Variants in SYNE3 observed in about 807,000 individuals in gnomAD.
SYNE3 encodes spectrin repeat containing nuclear envelope family member 3.
A neutral mutation model predicts 111.2 loss-of-function variants in SYNE3; 100 were observed. The ratio of observed to expected loss-of-function variants is 0.90; its 90% CI spans 0.77 to 1.06. SYNE3 has a LOEUF of 1.06. Ranked by LOEUF, SYNE3 falls within the 50% of genes least tolerant of loss-of-function variation. The pLI is 0.00. For synonymous variants in SYNE3, 547 were observed against 533.9 expected, an observed-to-expected ratio of 1.02 and a Z score of -0.34; for missense variants, 1,160 against 1,240.3, an observed-to-expected ratio of 0.94 and a Z score of 0.97.
chr14:95,437,863 T>G (rs1346846868), intron 14 of SYNE3: 1 of 152,128 alleles, frequency 6.6e-6, no homozygotes, highest in Non-Finnish European at 1.5e-5. Context: ...TCTTGTATGA[T>G]TTTAGTTTCC....
intron 5 of SYNE3, 120 bp from the exon 6 acceptor site, chr14:95,455,844 A>G: frequency 9.8e-7 from 1 of 1,024,152 alleles, no homozygotes; most frequent in East Asian, 2.6e-5. Flanking sequence ...CCTGCGTTAG[A>G]GCCAGAGAGG....
chr14:95,489,071 G>A (rs1642906101), intron 1 of SYNE3, among the ~76,000 whole-genome samples: 1 of 152,226 alleles, frequency 6.6e-6, no homozygotes, highest in Non-Finnish European at 1.5e-5. Context: ...CTGAGTGACT[G>A]AGTGACAAAG....
rs1262827685 is a variant in SYNE3, at chr14:95,495,117, A to C, written c.-14-19282T>G. 2.0e-5 allele frequency among the ~76,000 whole-genome samples: 3 copies of C among 151,878 alleles called. 1 individual carries two copies. Among genetic ancestry groups the C allele is most frequent in the South Asian group, 4.1e-4 (2 of 4,828 alleles). On this transcript the variant is annotated intron_variant, in intron 1 of 17. Transcript: ENST00000682763. ...ACAGAGCGAGACTCAGTCTCAAAAA[A>C]AAAAAGAAAGAAAAGAAAAGAAAGA... is the stretch of plus-strand genomic sequence containing the variant.
chr14:95,486,306 T>C (rs1280098250), intron 1 of SYNE3, among the ~76,000 whole-genome samples: 1 of 151,778 alleles, frequency 6.6e-6, no homozygotes, highest in Non-Finnish European at 1.5e-5. Flanking sequence ...TGCACCTTCC[T>C]CAGTGACCCA....
intron 1 of SYNE3, among the ~76,000 whole-genome samples, chr14:95,486,565 A>G (rs146485267): frequency 9.3e-4 from 141 of 152,250 alleles, no homozygotes; most frequent in South Asian, 2.9e-3. Context: ...CTGCAGCCCA[A>G]GGGAGCAAGA....
intron 8 of SYNE3, chr14:95,449,421 A>G (rs1254712481): frequency 1.0e-6 from 1 of 985,368 alleles, no homozygotes; most frequent in Non-Finnish European, 1.2e-6. Context: ...CTCCATCCGG[A>G]GCCAGTTGTT....
chr14:95,452,944 T>C (rs1255396613), intron 6 of SYNE3, among the ~76,000 whole-genome samples: 1 of 152,226 alleles, frequency 6.6e-6, no homozygotes. Flanking sequence ...CCTAAGCTGC[T>C]TCACTTCAAC....
intron 17 of SYNE3, among the ~76,000 whole-genome samples, chr14:95,421,471 C>T (rs1885122981): frequency 1.3e-5 from 2 of 152,190 alleles, no homozygotes; most frequent in Admixed American, 1.3e-4. Context: ...CTAACCCTGA[C>T]TCTACCACGT....
intron 3 of SYNE3, 139 bp downstream of exon 3, chr14:95,467,656 G>T: frequency 9.9e-7 from 1 of 1,008,910 alleles, no homozygotes; most frequent in Non-Finnish European, 1.4e-6. Context: ...GGCAGGGCTG[G>T]CCCTAATCCC....
In SYNE3 at chr14:95,417,809, C is replaced by T. The variant is rs1903628688; in HGVS notation, c.*17G>A. The stretch of plus-strand genomic sequence containing the variant: ...GATGGAGGTTGGAGGAGAAAGTCAC[C>T]TGTGTGCCCCAGTGGGTTAGGTGGG... On this transcript the variant is annotated 3_prime_UTR_variant, in exon 18 of 18. Coordinates refer to ENST00000682763, the MANE Select transcript of SYNE3 (RefSeq NM_152592.6). 3.1e-6 allele frequency: 5 copies of T among 1,614,016 alleles called. No individual in the cohort carries two copies. Among genetic ancestry groups the T allele is most frequent in the Non-Finnish European group, 4.2e-6 (5 of 1,179,864 alleles).
chr14:95,418,225 C>T (rs1416701041), intron 17 of SYNE3, among the ~76,000 whole-genome samples, 199 bp from the exon 18 acceptor site: 1 of 152,226 alleles, frequency 6.6e-6, no homozygotes, highest in East Asian at 1.9e-4. Context: ...TTTCCCAAAG[C>T]ATTCAAGGCA....
chr14:95,456,682 C>T (rs1250755805), intron 5 of SYNE3, among the ~76,000 whole-genome samples: 1 of 152,148 alleles, frequency 6.6e-6, no homozygotes, highest in Non-Finnish European at 1.5e-5. Context: ...TCCATAAAGC[C>T]TCTGAGGACC....
In SYNE3 at chr14:95,423,430, A is replaced by G. The variant is rs976690692; in HGVS notation, c.2728-5404T>C. 7.2e-5 allele frequency among the ~76,000 whole-genome samples: 11 copies of G among 152,106 alleles called. No individual in the cohort carries two copies. The South Asian group carries it at 1.0e-3, about 14-fold the overall frequency. On this transcript the variant is annotated intron_variant, in intron 17 of 17. Transcript: ENST00000682763. ...GGTCAGTGAGGGTCTAGGTTGACTC[A>G]CAGGCACCTAGTTTGGGAAACTGGG... is the stretch of plus-strand genomic sequence containing the variant.
chr14:95,495,254 C>T lies in SYNE3; in HGVS notation c.-14-19419G>A, dbSNP rs188896193. The stretch of plus-strand genomic sequence containing the variant: ...TCCATTCCTTCCAAGAGTGTCTGTG[C>T]CCAGTCTGTCCTTACAGTCCTTTTC... On this transcript the variant is annotated intron_variant, in intron 1 of 17. Transcript: ENST00000682763. 3.3e-5 allele frequency among the ~76,000 whole-genome samples: 5 copies of T among 152,342 alleles called. No individual in the cohort carries two copies. In the East Asian group the frequency reaches 9.7e-4, roughly 29 times the overall value.
rs777743531 is a variant in SYNE3, at chr14:95,466,202, A to G, written c.356T>C (p.Leu119Pro). 1.9e-6 allele frequency: 3 copies of G among 1,590,172 alleles called. No homozygotes were observed. The highest frequency in any genetic ancestry group is 1.7e-5 in the Admixed American group (1 of 59,522). ...EWVWLHWSEY[L>P]LARDEFYRWF... ...GCGGTAGAACTCATCTCGGGCCAGCAGGTACTCGCTCCAGTGCAGCCACAC... is the reference window on the plus strand; with the variant it reads ...GCGGTAGAACTCATCTCGGGCCAGCGGGTACTCGCTCCAGTGCAGCCACAC... The change falls in exon 4 of 18, where the codon CTG (leucine) becomes CCG (proline). Residue 119 changes from leucine to proline, a missense_variant. Coordinates refer to ENST00000682763, the MANE Select transcript of SYNE3 (RefSeq NM_152592.6).
intron 1 of SYNE3, among the ~76,000 whole-genome samples, chr14:95,510,022 C>T (rs571884928): frequency 1.3e-5 from 2 of 152,288 alleles, no homozygotes; most frequent in African/African-American, 2.4e-5. Flanking sequence ...AAAGTATAAG[C>T]GTAAATCATC....
At chr14:95,443,047 A>G (rs1034835353) in intron 11 of SYNE3, 108 bp downstream of exon 11, 4 of 1,369,778 alleles carry the variant, frequency 2.9e-6, no homozygotes, top group African/African-American at 2.9e-5. Context: ...AAGAAAAAAG[A>G]GAGGTTAGAA....
At chr14:95,449,896 C>G in intron 8 of SYNE3, 35 bp downstream of exon 8, 1 of 1,542,272 alleles carries the variant, frequency 6.5e-7, no homozygotes, top group Non-Finnish European at 8.8e-7. Context: ...CAGTGGCCCA[C>G]CCCAGCCCCA....
At chr14:95,513,357 C>G (rs923434320) in intron 1 of SYNE3, among the ~76,000 whole-genome samples, 1 of 152,066 alleles carries the variant, frequency 6.6e-6, no homozygotes, top group African/African-American at 2.4e-5. Flanking sequence ...ATTCTCTATA[C>G]CACGTCTGCA....
Sources: allele counts gnomAD v4.1 joint callset (sites outside exome capture counted in the v4.1 genomes callset), GRCh38; gene constraint gnomAD v4.1.1; transcripts MANE v1.5; gene names NCBI Gene and HGNC (gene_info 2026-07-23, HGNC 2026-07-21).